Variants in C3orf85 observed in about 807,000 individuals in gnomAD.
The protein encoded by C3orf85 is uncharacterized protein C3orf85.
A neutral mutation model predicts 1.7 loss-of-function variants in C3orf85; 1 was observed. That is an observed-to-expected ratio of 0.60 (90% CI 0.21 to 2.86). The LOEUF (loss-of-function observed/expected upper bound fraction) is 2.86, where lower values mean the gene tolerates loss of function less well. Ranked by LOEUF, C3orf85 falls within the 30% of genes most tolerant of loss-of-function variation. The probability of loss-of-function intolerance (pLI) is 0.22; values close to 1 mark genes in which losing one functional copy is unlikely to be tolerated. For missense variants in C3orf85, 29 were observed against 21.3 expected, an observed-to-expected ratio of 1.36 and a Z score of -0.72; for synonymous variants, 17 against 8.0, an observed-to-expected ratio of 2.13 and a Z score of -1.90.
intron 2 of C3orf85, among the ~76,000 whole-genome samples, chr3:109,138,490 G>T (rs933952786): frequency 6.6e-6 from 1 of 152,126 alleles, no homozygotes; most frequent in African/African-American, 2.4e-5. Context: ...TTTCTTTTAA[G>T]AATACAGCCT....
chr3:109,140,833 G>A (rs1168319528), intron 2 of C3orf85, among the ~76,000 whole-genome samples: 1 of 152,210 alleles, frequency 6.6e-6, no homozygotes, highest in Admixed American at 6.5e-5. Context: ...ACAGATTTAA[G>A]TTAAACCCAA....
intron 2 of C3orf85, among the ~76,000 whole-genome samples, chr3:109,142,499 G>A (rs1706752143): frequency 6.6e-6 from 1 of 152,104 alleles, no homozygotes; most frequent in South Asian, 2.1e-4. Context: ...CCAGATATCA[G>A]TATTACCTAG....
At position 109,146,572 on chromosome 3, in the gene C3orf85, T is replaced by A. The variant is rs970159781; in HGVS notation, c.50-1681T>A. Reference sequence around the variant, plus strand: ...CTTGACTGGAGCAAAAACATCAGGTTCCCAGATGGCTCGCTTACCTGGCTA... The same window carrying A: ...CTTGACTGGAGCAAAAACATCAGGTACCCAGATGGCTCGCTTACCTGGCTA... On this transcript the variant is annotated intron_variant, in intron 2 of 3. Coordinates refer to ENST00000622536, the MANE Select transcript of C3orf85 (RefSeq NM_001351622.2). Among the ~76,000 whole-genome samples the A allele has an allele frequency of 2.0e-5, 3 of 152,134 alleles. No homozygotes were observed. The South Asian group carries it at 6.2e-4, about 31-fold the overall frequency.
chr3:109,144,697 C>T (rs115369429), intron 2 of C3orf85, among the ~76,000 whole-genome samples: 2,416 of 152,196 alleles, frequency 0.016, 65 homozygotes, highest in African/African-American at 0.055. Context: ...ACCAGGATGA[C>T]TATGGTACAG....
chr3:109,142,545 A>G (rs984756315), intron 2 of C3orf85, among the ~76,000 whole-genome samples: 4 of 152,158 alleles, frequency 2.6e-5, no homozygotes, highest in African/African-American at 7.2e-5. Context: ...GACCTCTCCT[A>G]TGGATCTGCC....
intron 2 of C3orf85, among the ~76,000 whole-genome samples, chr3:109,140,327 A>G (rs547841473): frequency 1.3e-5 from 2 of 152,310 alleles, no homozygotes; most frequent in African/African-American, 4.8e-5. Context: ...CAACACAGCA[A>G]AGTAGGAGAA....
At chr3:109,139,993 C>T (rs181388229) in intron 2 of C3orf85, among the ~76,000 whole-genome samples, 1 of 152,238 alleles carries the variant, frequency 6.6e-6, no homozygotes, top group Admixed American at 6.5e-5. Context: ...TTTTTGCTTT[C>T]TTCTCTACCA....
intron 2 of C3orf85, among the ~76,000 whole-genome samples, chr3:109,138,413 C>T (rs914392738): frequency 6.6e-6 from 1 of 152,188 alleles, no homozygotes; most frequent in Non-Finnish European, 1.5e-5. Flanking sequence ...ACAGTTTCTA[C>T]ATCATGTAGC....
At chr3:109,138,224 A>G (rs2107831849) in intron 2 of C3orf85, among the ~76,000 whole-genome samples, 1 of 152,366 alleles carries the variant, frequency 6.6e-6, no homozygotes. Flanking sequence ...AAAATAATAA[A>G]GTTATCTAGT....
rs561905285 is a variant in C3orf85, at chr3:109,136,868, A to G, written c.21A>G (p.Gln7=). ...GGATCATGGCCTATAAAATGCTTCA[A>G]GTAGTCCTGTGCTCAACATTGCTTA... MAYKML[Q]VVLCSTLLIG... Residue 7 remains glutamine (Q), a synonymous_variant, in exon 2 of 4, where the codon CAA becomes CAG. Transcript: ENST00000622536. 1.4e-5 allele frequency: 6 copies of G among 426,888 alleles called. No homozygotes were observed. Among genetic ancestry groups the G allele is most frequent in the East Asian group, 1.4e-4 (4 of 28,908 alleles). 26.4% of individuals were successfully genotyped at this position (426,888 alleles called of 1,614,324 possible). A position where few individuals can be genotyped will look rare whatever the true frequency, so the allele number is the denominator to read the frequency against.
chr3:109,142,270 C>A (rs1304527496), intron 2 of C3orf85, among the ~76,000 whole-genome samples: 1 of 152,080 alleles, frequency 6.6e-6, no homozygotes, highest in Admixed American at 6.5e-5. Flanking sequence ...CCATAATTTT[C>A]TGGGCAGTTA....
intron 2 of C3orf85, among the ~76,000 whole-genome samples, chr3:109,137,743 G>C (rs370840065): frequency 6.7e-6 from 1 of 149,666 alleles, no homozygotes; most frequent in Non-Finnish European, 1.5e-5. Flanking sequence ...GCAATTTGCT[G>C]TTGGGTCATG....
At chr3:109,148,576 C>T (rs893709986) in intron 3 of C3orf85, 190 bp downstream of exon 3, 1 of 538,552 alleles carries the variant, frequency 1.9e-6, no homozygotes, top group Non-Finnish European at 3.3e-6. Context: ...TGCTTAAAGA[C>T]TAGACTCAAA....
rs1644309792 is a variant in C3orf85 at position 109,151,144 on chromosome 3, CAAACA to C, written c.*1258_*1262del. On this transcript the variant is annotated 3_prime_UTR_variant, in exon 4 of 4. Coordinates refer to ENST00000622536, the MANE Select transcript of C3orf85 (RefSeq NM_001351622.2). The stretch of plus-strand genomic sequence containing the variant: ...CATAGATTTTTAAATTACATCTGAA[CAAACA>C]AAACAAAGATGATGAATCATTTAGT... 2.0e-5 allele frequency among the ~76,000 whole-genome samples: 3 copies of C among 152,028 alleles called. No homozygotes were observed. Among genetic ancestry groups the C allele is most frequent in the Non-Finnish European group, 4.4e-5 (3 of 67,992 alleles).
intron 2 of C3orf85, among the ~76,000 whole-genome samples, 150 bp from the exon 3 acceptor site, chr3:109,148,100 GAGT>G (rs1706820197): frequency 6.6e-6 from 1 of 152,138 alleles, no homozygotes; most frequent in African/African-American, 2.4e-5. Context: ...AAGGGCCAAG[GAGT>G]AGCTGTCTCA....
chr3:109,149,339 T>C (rs1706841849), intron 3 of C3orf85: 1 of 152,172 alleles, frequency 6.6e-6, no homozygotes, highest in Non-Finnish European at 1.5e-5. Context: ...GATCTGCTTG[T>C]TTTGCACTTG....
chr3:109,149,547 G>T, intron 3 of C3orf85: 1 of 272,804 alleles, frequency 3.7e-6, no homozygotes, highest in Non-Finnish European at 6.8e-6. Context: ...GACCAGATTT[G>T]TACCAACTGA....
intron 2 of C3orf85, among the ~76,000 whole-genome samples, chr3:109,139,706 T>C (rs1706722489): frequency 2.0e-5 from 3 of 152,288 alleles, no homozygotes; most frequent in East Asian, 1.9e-4. Context: ...AGTTGACCCA[T>C]ACACGAAACG....
In C3orf85 at chr3:109,143,477, T is replaced by C. The variant is rs894397492; in HGVS notation, c.50-4776T>C. On this transcript the variant is annotated intron_variant, in intron 2 of 3. Coordinates refer to ENST00000622536, the MANE Select transcript of C3orf85 (RefSeq NM_001351622.2). ...CTTTGTTCATAATATGAATACATTTTTATCTGTTTTGTTTTAATTATTGGG... is the reference window on the plus strand; with the variant it reads ...CTTTGTTCATAATATGAATACATTTCTATCTGTTTTGTTTTAATTATTGGG... Among the ~76,000 whole-genome samples, 3 of 152,194 alleles carry C rather than the reference T, an allele frequency of 2.0e-5. No homozygotes were observed. The East Asian group carries it at 5.8e-4, about 29-fold the overall frequency.
Sources: allele counts gnomAD v4.1 joint callset (sites outside exome capture counted in the v4.1 genomes callset), GRCh38; gene constraint gnomAD v4.1.1; transcripts MANE v1.5; gene names NCBI Gene and HGNC (gene_info 2026-07-23, HGNC 2026-07-21).